WDR7: variants seen among roughly 807,000 people sequenced by gnomAD.
WDR7 encodes WD repeat domain 7.
WDR7 carries 46 observed loss-of-function variants against 169.4 expected under a neutral mutation model. The observed-to-expected ratio is 0.27, with a 90% CI of 0.21 to 0.35. The LOEUF (loss-of-function observed/expected upper bound fraction) is 0.35. WDR7 is among the 10% of genes least tolerant of loss of function. The pLI, the probability that WDR7 is intolerant of heterozygous loss-of-function variation, is 1.00. For synonymous variants in WDR7, 612 were observed against 666.8 expected (o/e 0.92, Z 1.27); for missense variants, 1,534 against 1,859.3 (o/e 0.83, Z 3.22).
intron 17 of WDR7, 69 bp from the exon 18 acceptor site, chr18:56,779,358 TTACA>T: frequency 8.3e-7 from 1 of 1,204,250 alleles, no homozygotes; most frequent in Non-Finnish European, 1.2e-6. Flanking sequence ...TTTGGTATAC[TTACA>T]TAAAGAACTG....
At chr18:56,694,037 GTT>G (rs769271777) in intron 9 of WDR7, among the ~76,000 whole-genome samples, 5 of 145,644 alleles carry the variant, frequency 3.4e-5, no homozygotes, top group African/African-American at 2.5e-5. Flanking sequence ...GCTGGGCTAA[GTT>G]TTTTTTTTTT....
chr18:56,698,523 G>T (rs976192010), intron 12 of WDR7, among the ~76,000 whole-genome samples: 2 of 151,106 alleles, frequency 1.3e-5, no homozygotes, highest in Non-Finnish European at 2.9e-5. Flanking sequence ...GGAGAATGGC[G>T]TGAACCCAGG....
intron 21 of WDR7, among the ~76,000 whole-genome samples, chr18:56,883,939 A>G (rs1287409269): frequency 1.3e-5 from 2 of 151,996 alleles, no homozygotes; most frequent in Non-Finnish European, 2.9e-5. Context: ...CTGATTCCAT[A>G]TTTTTGCAAT....
chr18:56,786,978 A>T (rs1429116267), intron 19 of WDR7, among the ~76,000 whole-genome samples: 1 of 151,946 alleles, frequency 6.6e-6, no homozygotes, highest in Non-Finnish European at 1.5e-5. Context: ...AATAGGGATT[A>T]ATGTTATTTT....
intron 14 of WDR7, among the ~76,000 whole-genome samples, chr18:56,747,979 T>G (rs1012322210): frequency 3.3e-5 from 5 of 152,138 alleles, no homozygotes; most frequent in Non-Finnish European, 5.9e-5. Context: ...AATCTCACCT[T>G]GTTTCCATTC....
chr18:56,830,511 G>A (rs1432887108), intron 20 of WDR7, among the ~76,000 whole-genome samples: 2 of 152,168 alleles, frequency 1.3e-5, no homozygotes, highest in African/African-American at 4.8e-5. Context: ...GAAAATTCCG[G>A]CCATACAGCC....
chr18:56,917,766 G>C (rs987181268), intron 21 of WDR7, among the ~76,000 whole-genome samples: 1 of 152,072 alleles, frequency 6.6e-6, no homozygotes, highest in Admixed American at 6.6e-5. Flanking sequence ...CTCTGCCTCA[G>C]TCCTTTTCTC....
At position 56,656,212 on chromosome 18, in the gene WDR7, C is replaced by T. The variant is rs532814039; in HGVS notation, c.-20+4636C>T. Among the ~76,000 whole-genome samples, 73 of 150,930 alleles carry T rather than the reference C, an allele frequency of 4.8e-4. No individual in the cohort carries two copies. The South Asian group carries it at 0.015, about 32-fold the overall frequency. On this transcript the variant is annotated intron_variant, in intron 1 of 27. Coordinates refer to ENST00000254442, the MANE Select transcript of WDR7 (RefSeq NM_015285.3). ...GGAGTGGTTGTACCATTTTACATTT[C>T]TACCAGGAATGTATGAGAGATTGCA... is the stretch of plus-strand genomic sequence containing the variant.
chr18:56,731,308 A>G, intron 13 of WDR7, 75 bp from the exon 14 acceptor site: 1 of 1,497,288 alleles, frequency 6.7e-7, no homozygotes, highest in Admixed American at 2.3e-5. Context: ...AAATTTTCAT[A>G]CCATTTTTTC....
At chr18:57,014,958 T>C (rs1455216761) in intron 26 of WDR7, among the ~76,000 whole-genome samples, 1 of 152,164 alleles carries the variant, frequency 6.6e-6, no homozygotes, top group African/African-American at 2.4e-5. Context: ...CCAGCTGTTC[T>C]CCATCTCTAC....
chr18:56,901,339 T>C (rs2046398218), intron 21 of WDR7, among the ~76,000 whole-genome samples: 2 of 152,224 alleles, frequency 1.3e-5, no homozygotes, highest in African/African-American at 4.8e-5. Flanking sequence ...CTCTATTTTG[T>C]TGCTTTCTGG....
intron 21 of WDR7, among the ~76,000 whole-genome samples, chr18:56,912,065 C>T (rs2046560417): frequency 6.6e-6 from 1 of 152,206 alleles, no homozygotes; most frequent in Non-Finnish European, 1.5e-5. Context: ...GCAAGCCCCC[C>T]TTCACGGATG....
rs60092817 is a variant in WDR7 at position 56,991,143 on chromosome 18, A to ATTTTTTTTTT, written c.4164+28626_4164+28635dup. Among the ~76,000 whole-genome samples the ATTTTTTTTTT allele has an allele frequency of 1.7e-4, 19 of 110,712 alleles. 1 individual carries two copies. The highest frequency in any genetic ancestry group is 5.2e-4 in the African/African-American group (14 of 26,974). The allele number at this position is 110,712 out of a possible 152,430, so 72.6% of individuals were successfully genotyped here. A position where few individuals can be genotyped will look rare whatever the true frequency, so the allele number is the denominator to read the frequency against. On this transcript the variant is annotated intron_variant, in intron 26 of 27. Transcript: ENST00000254442. ...ACTAGCTACCGTACACCTTCTCCTCATTTTTTTTTTTTTTTTTTTTTGAGA... is the reference window on the plus strand; with the variant it reads ...ACTAGCTACCGTACACCTTCTCCTCATTTTTTTTTTTTTTTTTTTTTTTTTTTTTTTGAGA...
chr18:56,686,050 G>T lies in WDR7; in HGVS notation c.597+18G>T. 1 of 1,572,144 alleles carries T rather than the reference G, an allele frequency of 6.4e-7. No homozygotes were observed. The highest frequency in any genetic ancestry group is 1.2e-5 in the South Asian group (1 of 84,642). ...ACATGCAGGTGAGAAAAAGGAAACTGGGGTGATTTCTCTGTTTTTATTCTC... is the reference window on the plus strand; with the variant it reads ...ACATGCAGGTGAGAAAAAGGAAACTTGGGTGATTTCTCTGTTTTTATTCTC... On this transcript the variant is annotated intron_variant, in intron 6 of 27. Transcript: ENST00000254442.
intron 16 of WDR7, among the ~76,000 whole-genome samples, chr18:56,763,053 T>C (rs1293800823): frequency 2.0e-5 from 3 of 151,974 alleles, no homozygotes; most frequent in Non-Finnish European, 4.4e-5. Context: ...CTCCGCCTCC[T>C]GGGTTCATGC....
intron 19 of WDR7, among the ~76,000 whole-genome samples, chr18:56,807,373 T>A (rs1042114938): frequency 6.6e-6 from 1 of 152,164 alleles, no homozygotes; most frequent in African/African-American, 2.4e-5. Flanking sequence ...AGTCTTTGGT[T>A]TTTTTGTGTC....
intron 22 of WDR7, among the ~76,000 whole-genome samples, chr18:56,925,617 A>G (rs959754359): frequency 1.7e-4 from 26 of 152,038 alleles, no homozygotes; most frequent in Admixed American, 6.6e-4. Context: ...CCATTCCCTT[A>G]AGTTCTGGCA....
intron 1 of WDR7, among the ~76,000 whole-genome samples, chr18:56,656,597 T>TA (rs3062377): frequency 6.6e-6 from 1 of 151,392 alleles, no homozygotes; most frequent in Non-Finnish European, 1.5e-5. Flanking sequence ...TTTTTTTTTT[T>TA]AACTGTTCTG....
At chr18:56,836,555 G>T (rs986962264) in intron 20 of WDR7, among the ~76,000 whole-genome samples, 5 of 152,154 alleles carry the variant, frequency 3.3e-5, no homozygotes, top group Non-Finnish European at 7.4e-5. Flanking sequence ...GTCAACCCTA[G>T]ACATGCGTGC....
Sources: allele counts gnomAD v4.1 joint callset (sites outside exome capture counted in the v4.1 genomes callset), GRCh38; gene constraint gnomAD v4.1.1; transcripts MANE v1.5; gene names NCBI Gene and HGNC (gene_info 2026-07-23, HGNC 2026-07-21).